Variants in STX8 observed in about 807,000 individuals in gnomAD.
The protein encoded by STX8 is syntaxin 8, also known as syntaxin-8.
STX8 carries 23 observed loss-of-function variants against 37.5 expected under a neutral mutation model. The observed-to-expected ratio is 0.61, with a 90% confidence interval of 0.44 to 0.87. The LOEUF (loss-of-function observed/expected upper bound fraction) is 0.87. STX8 is among the 40% of genes least tolerant of loss of function. The probability of loss-of-function intolerance (pLI) is 0.00; values close to 1 mark genes in which losing one functional copy is unlikely to be tolerated. For missense variants in STX8, 313 were observed against 284.7 expected, an observed-to-expected ratio of 1.10 and a Z score of -0.71; for synonymous variants, 115 against 99.1, an observed-to-expected ratio of 1.16 and a Z score of -0.95.
At chr17:9,515,065 A>G (rs1161727415) in intron 4 of STX8, among the ~76,000 whole-genome samples, 1 of 152,218 alleles carries the variant, frequency 6.6e-6, no homozygotes, top group Non-Finnish European at 1.5e-5. Flanking sequence ...GAATATAGAC[A>G]AATGGACCAA....
intron 7 of STX8, among the ~76,000 whole-genome samples, chr17:9,300,106 CG>C (rs1908716507): frequency 6.6e-6 from 1 of 151,962 alleles, no homozygotes; most frequent in Non-Finnish European, 1.5e-5. Flanking sequence ...CCGAGGCGGG[CG>C]GATCACCTGA....
chr17:9,416,773 G>C (rs1469887166), intron 6 of STX8, among the ~76,000 whole-genome samples: 2 of 152,190 alleles, frequency 1.3e-5, no homozygotes, highest in African/African-American at 4.8e-5. Flanking sequence ...AATCCCATGA[G>C]ATTAGGATTA....
At chr17:9,273,191 A>G (rs187332529) in intron 7 of STX8, 180 of 152,378 alleles carry the variant, frequency 1.2e-3, no homozygotes, top group African/African-American at 4.2e-3. Flanking sequence ...AGGCATAATC[A>G]TAACTTTGTA....
chr17:9,386,104 C>CAA lies in STX8; in HGVS notation c.542-7453_542-7452dup, dbSNP rs57683285. The stretch of plus-strand genomic sequence containing the variant: ...CAAACGGAAATAAAAGCCTATTTCT[C>CAA]AAAAAAAAAAAAAAAAAAGCCTGTA... On this transcript the variant is annotated intron_variant, in intron 6 of 7. Coordinates refer to ENST00000306357, the MANE Select transcript of STX8 (RefSeq NM_004853.3). 5.6e-3 allele frequency among the ~76,000 whole-genome samples: 663 copies of CAA among 118,532 alleles called. 9 individuals are homozygous for CAA. Among genetic ancestry groups the CAA allele is most frequent in the Admixed American group, 0.031 (343 of 11,138 alleles). The allele number at this position is 118,532 out of a possible 152,430, so 77.8% of individuals were successfully genotyped here. A position where few individuals can be genotyped will look rare whatever the true frequency, so the allele number is the denominator to read the frequency against.
intron 6 of STX8, among the ~76,000 whole-genome samples, chr17:9,411,434 C>T (rs1294921162): frequency 6.6e-6 from 1 of 152,206 alleles, no homozygotes; most frequent in Non-Finnish European, 1.5e-5. Flanking sequence ...TCTAAAATCC[C>T]TGGCTATAAA....
intron 7 of STX8, among the ~76,000 whole-genome samples, chr17:9,324,263 C>T (rs777447733): frequency 1.6e-4 from 25 of 152,270 alleles, no homozygotes; most frequent in East Asian, 5.8e-4. Flanking sequence ...AGCCCACAAA[C>T]GCTGCTCTTC....
chr17:9,393,196 CACCAGTTTT>C (rs1304667739), intron 6 of STX8, among the ~76,000 whole-genome samples: 4 of 152,186 alleles, frequency 2.6e-5, no homozygotes, highest in African/African-American at 7.2e-5. Context: ...GGAAGTATAG[CACCAGTTTT>C]AAAGTGCTGA....
At chr17:9,371,010 A>G (rs1418706107) in intron 7 of STX8, among the ~76,000 whole-genome samples, 2 of 152,104 alleles carry the variant, frequency 1.3e-5, no homozygotes, top group Admixed American at 1.3e-4. Context: ...CCACACAAAA[A>G]TCTCGGTAAA....
chr17:9,480,175 G>A (rs73973772), intron 6 of STX8, among the ~76,000 whole-genome samples: 1,854 of 152,186 alleles, frequency 0.012, 47 homozygotes, highest in African/African-American at 0.042. Context: ...TCCCTGATGA[G>A]AACAAATACT....
At chr17:9,322,168 A>C (rs891139764) in intron 7 of STX8, among the ~76,000 whole-genome samples, 5 of 152,238 alleles carry the variant, frequency 3.3e-5, no homozygotes, top group African/African-American at 1.2e-4. Context: ...GACATGCCAC[A>C]GGGCATGATG....
intron 7 of STX8, among the ~76,000 whole-genome samples, chr17:9,305,149 G>A (rs1041201705): frequency 6.6e-6 from 1 of 151,938 alleles, no homozygotes; most frequent in Non-Finnish European, 1.5e-5. Context: ...CTGGAGTGCA[G>A]TGGCGCGGTC....
chr17:9,260,065 A>G (rs550234276), intron 7 of STX8, among the ~76,000 whole-genome samples: 41 of 152,096 alleles, frequency 2.7e-4, no homozygotes, highest in Non-Finnish European at 4.9e-4. Context: ...TTTAAATTTT[A>G]AAAAAGAAAA....
chr17:9,528,937 G>A lies in STX8; in HGVS notation c.323+16235C>T, dbSNP rs116038104. ...GCAAGAAAAGAAGGCGAAAGAGAGA[G>A]AAAGAAACAAGAATAAATGAAGTGG... On this transcript the variant is annotated intron_variant, in intron 4 of 7. Transcript: ENST00000306357. Among the ~76,000 whole-genome samples, 1,205 of 151,982 alleles carry A rather than the reference G, an allele frequency of 7.9e-3. 22 individuals carry two copies. Among genetic ancestry groups the A allele is most frequent in the African/African-American group, 0.026 (1,088 of 41,486 alleles).
Position 9,282,032 on chromosome 17 carries a change from A to G in STX8, c.644-31387T>C, listed in dbSNP as rs539481130. Among the ~76,000 whole-genome samples the G allele has an allele frequency of 3.9e-5, 6 of 152,344 alleles. No homozygotes were observed. In the South Asian group the frequency reaches 6.2e-4, roughly 16 times the overall value. ...CCACTCTCCTGTTGGAGGCCTCATC[A>G]GATGCCACTTCTCCATTTCCCCCCT... On this transcript the variant is annotated intron_variant, in intron 7 of 7. Transcript: ENST00000306357.
intron 7 of STX8, among the ~76,000 whole-genome samples, chr17:9,252,437 C>A (rs1327205819): frequency 6.8e-6 from 1 of 147,666 alleles, no homozygotes; most frequent in Non-Finnish European, 1.5e-5. Flanking sequence ...GAGCAAGACT[C>A]TGTCTCAAAA....
In STX8 at chr17:9,250,578, T is replaced by G. The variant is rs910290301; in HGVS notation, c.711A>C (p.Ter237CysextTer3). 1 of 1,591,126 alleles carries G rather than the reference T, an allele frequency of 6.3e-7. No individual in the cohort carries two copies. The highest frequency in any genetic ancestry group is 1.3e-5 in the African/African-American group (1 of 74,728). Residue 237 changes from the stop codon to cysteine (C), a stop_lost, in exon 8 of 8, where the codon TGA becomes TGC. Transcript: ENST00000306357. The part of the protein sequence containing the change: ...IVVVAVWPTN[*>C] ...ACTGCTGGTGGTCTCTTTACTGCCATCAGTTGGTCGGCCAGACTGCAACAA... is the reference window on the plus strand; with the variant it reads ...ACTGCTGGTGGTCTCTTTACTGCCAGCAGTTGGTCGGCCAGACTGCAACAA...
chr17:9,327,191 A>AAGAAGG (rs1909786117), intron 7 of STX8, among the ~76,000 whole-genome samples: 1 of 145,566 alleles, frequency 6.9e-6, no homozygotes, highest in African/African-American at 2.7e-5. Context: ...AAGGAAGAAG[A>AAGAAGG]AGGAAGAAGG....
At chr17:9,400,204 G>A (rs1340737098) in intron 6 of STX8, among the ~76,000 whole-genome samples, 2 of 151,162 alleles carry the variant, frequency 1.3e-5, no homozygotes, top group East Asian at 4.0e-4. Context: ...CCGGGTTCAT[G>A]CCATTCTCCT....
At chr17:9,274,598 C>A (rs1037064434) in intron 7 of STX8, among the ~76,000 whole-genome samples, 1 of 150,146 alleles carries the variant, frequency 6.7e-6, no homozygotes, top group Non-Finnish European at 1.5e-5. Flanking sequence ...ATGGTGTGAA[C>A]CCCGGAGGCA....
Sources: allele counts gnomAD v4.1 joint callset (sites outside exome capture counted in the v4.1 genomes callset), GRCh38; gene constraint gnomAD v4.1.1; transcripts MANE v1.5; gene names NCBI Gene and HGNC (gene_info 2026-07-23, HGNC 2026-07-21).